Variants in ATXN3 observed in about 807,000 individuals in gnomAD.
ATXN3 encodes the protein ataxin-3.
Under a neutral mutation model 58.2 loss-of-function variants are expected in ATXN3, and 28 were observed. The ratio of observed to expected loss-of-function variants is 0.48; its 90% CI spans 0.36 to 0.66. The LOEUF is 0.66. Ranked by LOEUF, ATXN3 falls within the 30% of genes least tolerant of loss-of-function variation. ATXN3 has a pLI of 0.00. For synonymous variants in ATXN3, 113 were observed against 138.5 expected (o/e 0.82, Z 1.29); for missense variants, 321 against 422.1 (o/e 0.76, Z 2.10).
At chr14:92,053,909 A>G (rs1318102939), downstream of ATXN3, among the ~76,000 whole-genome samples, 1 of 151,988 alleles carries the variant, frequency 6.6e-6, no homozygotes, top group Non-Finnish European at 1.5e-5. Flanking sequence ...ATTATGTCAG[A>G]GGCCTGTAAA....
downstream of ATXN3, among the ~76,000 whole-genome samples, chr14:92,057,442 C>T (rs4904832): frequency 7.0e-6 from 1 of 143,290 alleles, no homozygotes; most frequent in Non-Finnish European, 1.5e-5. Flanking sequence ...GGGGAGGGGG[C>T]GCGGGGGTGG....
Position 92,093,549 on chromosome 14 carries a change from C to G in ATXN3, c.320+197G>C, listed in dbSNP as rs931182450. 3 of 635,714 alleles carry G rather than the reference C, an allele frequency of 4.7e-6. No individual in the cohort carries two copies. In the Admixed American group the frequency reaches 9.0e-5, roughly 19 times the overall value. 39.4% of individuals were successfully genotyped at this position (635,714 alleles called of 1,614,324 possible). The stretch of plus-strand genomic sequence containing the variant: ...TTATGGGGTCAGCTCTGTGCTGCCA[C>G]AGACACTGGGGTGCCAGGAAGGCTA... On this transcript the variant is annotated intron_variant, in intron 4 of 10. Transcript: ENST00000644486.
At chr14:92,051,168 T>A (rs947737431), upstream of ATXN3, among the ~76,000 whole-genome samples, 1 of 152,228 alleles carries the variant, frequency 6.6e-6, no homozygotes, top group Admixed American at 6.5e-5. Context: ...TAATTTTTGG[T>A]AAAGTAAGTA....
intron 1 of ATXN3, among the ~76,000 whole-genome samples, chr14:92,106,058 A>G (rs2068251857): frequency 6.6e-6 from 1 of 152,166 alleles, no homozygotes. Flanking sequence ...ATCTACGTGT[A>G]GGGAAGACTC....
Position 92,060,761 on chromosome 14 carries a change from C to G in ATXN3, c.*3559G>C, listed in dbSNP as rs1263809088. 1.4e-5 allele frequency: 2 copies of G among 143,002 alleles called. No homozygotes were observed. Among genetic ancestry groups the G allele is most frequent in the East Asian group, 4.1e-4 (2 of 4,850 alleles). The allele number at this position is 143,002 out of a possible 1,614,324, so 8.9% of individuals were successfully genotyped here. A position where few individuals can be genotyped will look rare whatever the true frequency, so the allele number is the denominator to read the frequency against. ...TTTTTTTTTTTTTTTGAGACAGAGT[C>G]TCACTCTGTCGCCCAGTCTGGAGTA... On this transcript the variant is annotated 3_prime_UTR_variant, in exon 11 of 11. Transcript: ENST00000644486.
At chr14:92,075,156 G>GTTTTTTTTTTTTTTTTTTTT (rs376552690) in intron 9 of ATXN3, among the ~76,000 whole-genome samples, 2 of 111,356 alleles carry the variant, frequency 1.8e-5, no homozygotes, top group Non-Finnish European at 3.6e-5. Context: ...GTAATAGGGA[G>GTTTTTTTTTTTTTTTTTTTT]TTTTTTTTTT....
intron 9 of ATXN3, among the ~76,000 whole-genome samples, chr14:92,075,152 G>A (rs2060117459): frequency 1.4e-5 from 2 of 140,724 alleles, no homozygotes; most frequent in South Asian, 4.7e-4. Flanking sequence ...ATCTGTAATA[G>A]GGAGTTTTTT....
At chr14:92,088,065 TTTTTC>T (rs1367289080) in intron 6 of ATXN3, among the ~76,000 whole-genome samples, 2 of 152,010 alleles carry the variant, frequency 1.3e-5, no homozygotes, top group Non-Finnish European at 2.9e-5. Context: ...ATTTCTTTTT[TTTTTC>T]TTTTCTTTTT....
chr14:92,054,616 CTCTG>C (rs1433977328), downstream of ATXN3, among the ~76,000 whole-genome samples: 1 of 152,214 alleles, frequency 6.6e-6, no homozygotes, highest in Non-Finnish European at 1.5e-5. Context: ...CTCAGGGCTG[CTCTG>C]TCTATGGAGT....
At chr14:92,082,605 A>T in intron 7 of ATXN3, 139 bp from the exon 8 acceptor site, 4 of 693,326 alleles carry the variant, frequency 5.8e-6, no homozygotes, top group Non-Finnish European at 8.7e-6. Flanking sequence ...TAATATAATG[A>T]TTGTGTTGCA....
intron 1 of ATXN3, among the ~76,000 whole-genome samples, chr14:92,104,009 CTT>C (rs2141339538): frequency 6.6e-6 from 1 of 152,314 alleles, no homozygotes; most frequent in South Asian, 2.1e-4. Context: ...GGTGCGTACT[CTT>C]GAGGACGCCC....
intron 9 of ATXN3, chr14:92,071,464 C>A (rs540605576): frequency 1.1e-5 from 4 of 349,548 alleles, no homozygotes; most frequent in South Asian, 8.9e-5. Flanking sequence ...GGCGTGGTGG[C>A]AGGCACCTGT....
At chr14:92,098,966 A>G (rs1322740018) in intron 1 of ATXN3, among the ~76,000 whole-genome samples, 1 of 152,138 alleles carries the variant, frequency 6.6e-6, no homozygotes, top group Admixed American at 6.5e-5. Context: ...GCCTGGTACT[A>G]AGTAGCCTGC....
intron 10 of ATXN3, among the ~76,000 whole-genome samples, chr14:92,069,213 G>A (rs2058995787): frequency 6.6e-6 from 1 of 151,092 alleles, no homozygotes; most frequent in African/African-American, 2.4e-5. Flanking sequence ...TGGGATTACA[G>A]GTGCCCACCA....
chr14:92,103,413 C>A (rs554183615), intron 1 of ATXN3, among the ~76,000 whole-genome samples: 3 of 152,248 alleles, frequency 2.0e-5, no homozygotes, highest in Non-Finnish European at 4.4e-5. Flanking sequence ...AAACTCAAAG[C>A]CATCTCTTTA....
intron 1 of ATXN3, among the ~76,000 whole-genome samples, chr14:92,098,401 A>G (rs565999797): frequency 2.6e-5 from 4 of 152,146 alleles, no homozygotes; most frequent in African/African-American, 9.7e-5. Context: ...CAGCCTGACC[A>G]ATACGGTGAA....
chr14:92,060,431 G>GT lies in ATXN3; in HGVS notation c.*3888dup, dbSNP rs1280690164. 1 of 151,276 alleles carries GT rather than the reference G, an allele frequency of 6.6e-6. No homozygotes were observed. The highest frequency in any genetic ancestry group is 2.4e-5 in the African/African-American group (1 of 41,140). 9.4% of individuals were successfully genotyped at this position (151,276 alleles called of 1,614,324 possible). On this transcript the variant is annotated 3_prime_UTR_variant, in exon 11 of 11. Coordinates refer to ENST00000644486, the MANE Select transcript of ATXN3 (RefSeq NM_004993.6). ...GTGCAACCACGCCCGGCTAATTTTT[G>GT]TATTTTTAGTAGAAACGAGGTTTCA...
intron 1 of ATXN3, among the ~76,000 whole-genome samples, chr14:92,105,887 C>G (rs1358612785): frequency 6.6e-6 from 1 of 152,188 alleles, no homozygotes; most frequent in South Asian, 2.1e-4. Flanking sequence ...CCCAAACATC[C>G]CGTAATAAAA....
rs2065166422 is a variant in ATXN3, at chr14:92,096,084, A to T, written c.234+9T>A. 1.3e-6 allele frequency: 2 copies of T among 1,578,178 alleles called. No homozygotes were observed. The highest frequency in any genetic ancestry group is 3.3e-5 in the Admixed American group (2 of 59,728). ...AAGCAACACATAGTACATGCTTGTG[A>T]CTACTTACCTGAATAGAGAAAAAAC... On this transcript the variant is annotated intron_variant, in intron 3 of 10. Transcript: ENST00000644486.
Sources: allele counts gnomAD v4.1 joint callset (sites outside exome capture counted in the v4.1 genomes callset), GRCh38; gene constraint gnomAD v4.1.1; transcripts MANE v1.5; gene names NCBI Gene and HGNC (gene_info 2026-07-23, HGNC 2026-07-21).